The following PCBP3 variants were observed in gnomAD, a reference collection of about 807,000 sequenced individuals.
The protein encoded by PCBP3 is poly(rC)-binding protein 3.
A neutral mutation model predicts 52.7 loss-of-function variants in PCBP3; 25 were observed. The ratio of observed to expected loss-of-function variants is 0.47; its 90% CI spans 0.35 to 0.66. The LOEUF (loss-of-function observed/expected upper bound fraction) is 0.66, where lower values mean the gene tolerates loss of function less well. Ranked by LOEUF, PCBP3 falls within the 30% of genes least tolerant of loss-of-function variation. The pLI is 0.01. For missense variants in PCBP3, 391 were observed against 490.3 expected (o/e 0.80, Z 1.91); for synonymous variants, 162 against 183.0 (o/e 0.89, Z 0.93).
intron 1 of PCBP3, among the ~76,000 whole-genome samples, chr21:45,663,972 A>G (rs543232006): frequency 6.8e-6 from 1 of 147,564 alleles, no homozygotes; most frequent in South Asian, 2.2e-4. Flanking sequence ...TCATTTTATT[A>G]TACTGATTTT....
chr21:45,762,715 C>T (rs1211692970), intron 4 of PCBP3: 1 of 152,050 alleles, frequency 6.6e-6, no homozygotes, highest in Non-Finnish European at 1.5e-5. Context: ...GTCTCCTGAC[C>T]TCAAGTGATC....
At chr21:45,870,702 C>T (rs1466003496) in intron 5 of PCBP3, among the ~76,000 whole-genome samples, 1 of 152,236 alleles carries the variant, frequency 6.6e-6, no homozygotes, top group African/African-American at 2.4e-5. Context: ...TGCCACTGCC[C>T]ACCGCCTGCC....
At chr21:45,874,118 G>A (rs928704934) in intron 5 of PCBP3, among the ~76,000 whole-genome samples, 4 of 151,994 alleles carry the variant, frequency 2.6e-5, no homozygotes, top group Non-Finnish European at 4.4e-5. Context: ...GTGAGCCACC[G>A]CGCCCGGCCC....
intron 5 of PCBP3, among the ~76,000 whole-genome samples, chr21:45,873,650 C>T (rs559605902): frequency 6.6e-6 from 1 of 152,330 alleles, no homozygotes; most frequent in East Asian, 1.9e-4. Context: ...TCATTTTATT[C>T]ACCTGCCCGT....
intron 2 of PCBP3, among the ~76,000 whole-genome samples, chr21:45,707,580 G>A (rs1320175779): frequency 6.6e-6 from 1 of 152,134 alleles, no homozygotes; most frequent in Non-Finnish European, 1.5e-5. Flanking sequence ...TGGATGTGAG[G>A]CGTGGGGATC....
chr21:45,936,584 C>G (rs188791564), intron 16 of PCBP3, among the ~76,000 whole-genome samples: 2 of 152,184 alleles, frequency 1.3e-5, no homozygotes, highest in African/African-American at 4.8e-5. Context: ...TTTCCCCAAC[C>G]CTTTCCCTCA....
chr21:45,752,050 T>C (rs2838990), intron 3 of PCBP3, among the ~76,000 whole-genome samples: 22,742 of 152,182 alleles, frequency 0.15, 2,103 homozygotes, highest in Middle Eastern at 0.3. Context: ...TGGAATATGC[T>C]GCAAATATTT....
At chr21:45,660,445 TC>T (rs1387511241) in intron 1 of PCBP3, among the ~76,000 whole-genome samples, 1 of 152,230 alleles carries the variant, frequency 6.6e-6, no homozygotes, top group Admixed American at 6.5e-5. Flanking sequence ...GAATGTTTAA[TC>T]CATTTACATT....
chr21:45,903,694 G>A (rs903396760), intron 9 of PCBP3, among the ~76,000 whole-genome samples: 1 of 152,192 alleles, frequency 6.6e-6, no homozygotes, highest in African/African-American at 2.4e-5. Flanking sequence ...GAGAATAAGA[G>A]GGAGAATGAT....
chr21:45,663,175 C>G (rs2080529550), intron 1 of PCBP3, among the ~76,000 whole-genome samples: 1 of 152,172 alleles, frequency 6.6e-6, no homozygotes, highest in African/African-American at 2.4e-5. Context: ...CTCTCTCTCT[C>G]TCTCTCTCCA....
chr21:45,670,877 G>A (rs2081126186), intron 2 of PCBP3, among the ~76,000 whole-genome samples: 1 of 152,180 alleles, frequency 6.6e-6, no homozygotes, highest in African/African-American at 2.4e-5. Flanking sequence ...CCTCTGTGTG[G>A]TGATTCGGCC....
intron 3 of PCBP3, chr21:45,748,105 G>A (rs978625678): frequency 6.5e-6 from 1 of 152,710 alleles, no homozygotes; most frequent in Admixed American, 6.5e-5. Flanking sequence ...CATGTCAGGT[G>A]GAGAAGAATT....
intron 2 of PCBP3, among the ~76,000 whole-genome samples, chr21:45,690,362 A>G (rs2082386483): frequency 6.6e-6 from 1 of 152,166 alleles, no homozygotes; most frequent in Non-Finnish European, 1.5e-5. Context: ...AACTTTTAGA[A>G]GAAAACAAAG....
At chr21:45,915,560 G>T (rs1256586133) in intron 12 of PCBP3, 1 of 152,224 alleles carries the variant, frequency 6.6e-6, no homozygotes, top group Non-Finnish European at 1.5e-5. Flanking sequence ...GGAAGAGGGG[G>T]TGCAGCTGAG....
At chr21:45,673,061 A>G (rs1010650948) in intron 2 of PCBP3, among the ~76,000 whole-genome samples, 1 of 152,226 alleles carries the variant, frequency 6.6e-6, no homozygotes, top group South Asian at 2.1e-4. Context: ...TGCACTGTAT[A>G]AAATAGGTCT....
chr21:45,916,615 AG>A (rs1400134076), intron 12 of PCBP3: 1 of 152,334 alleles, frequency 6.6e-6, no homozygotes, highest in Non-Finnish European at 1.5e-5. Flanking sequence ...TCTGGTGCAC[AG>A]GGTCCCCCCA....
At chr21:45,818,115 C>T (rs981055686) in intron 4 of PCBP3, among the ~76,000 whole-genome samples, 5 of 152,074 alleles carry the variant, frequency 3.3e-5, no homozygotes, top group Non-Finnish European at 5.9e-5. Flanking sequence ...CTCCACCTCC[C>T]GGGTTCACAC....
chr21:45,804,822 C>G (rs1001510109), intron 4 of PCBP3, among the ~76,000 whole-genome samples: 62 of 152,224 alleles, frequency 4.1e-4, no homozygotes, highest in African/African-American at 1.3e-3. Flanking sequence ...CCACCACAAG[C>G]AGGAGGGGTG....
At chr21:45,744,757 T>A (rs1305697626) in intron 3 of PCBP3, among the ~76,000 whole-genome samples, 2 of 152,244 alleles carry the variant, frequency 1.3e-5, no homozygotes, top group African/African-American at 4.8e-5. Flanking sequence ...TGCATTTGAC[T>A]CTCAGTCTTC....
Sources: allele counts gnomAD v4.1 joint callset (sites outside exome capture counted in the v4.1 genomes callset), GRCh38; gene constraint gnomAD v4.1.1; transcripts MANE v1.5; gene names NCBI Gene and HGNC (gene_info 2026-07-23, HGNC 2026-07-21).